The following RBPJ variants were observed in gnomAD, a reference collection of about 807,000 sequenced individuals.
The protein encoded by RBPJ is recombination signal binding protein for immunoglobulin kappa J region, also known as recombining binding protein suppressor of hairless.
A neutral mutation model predicts 67.8 loss-of-function variants in RBPJ; 9 were observed. The ratio of observed to expected loss-of-function variants is 0.13; its 90% CI spans 0.08 to 0.23. The LOEUF (loss-of-function observed/expected upper bound fraction) is 0.23. Ranked by LOEUF, RBPJ falls within the 10% of genes least tolerant of loss-of-function variation. The pLI is 1.00. For synonymous variants in RBPJ, 198 were observed against 203.3 expected (o/e 0.97, Z 0.22); for missense variants, 305 against 595.6 (o/e 0.51, Z 5.08).
intron 1 of RBPJ, among the ~76,000 whole-genome samples, chr4:26,254,843 A>AC (rs1720240200): frequency 6.0e-5 from 1 of 16,548 alleles, no homozygotes; most frequent in African/African-American, 2.3e-4. Context: ...ATGCCCAGCT[A>AC]TTTTTTTTTT....
At chr4:26,120,472 A>G in the RBPJ span, among the ~76,000 whole-genome samples, 1 of 152,128 alleles carries the variant, frequency 6.6e-6, no homozygotes, top group Non-Finnish European at 1.5e-5. Context: ...TTGAGAGACA[A>G]ATTTAGTCCT....
chr4:26,151,922 G>C, the RBPJ span, among the ~76,000 whole-genome samples: 1 of 152,198 alleles, frequency 6.6e-6, no homozygotes, highest in Non-Finnish European at 1.5e-5. Context: ...AAATATGTGG[G>C]ACAGCTGAGC....
chr4:26,124,461 T>TATATATATAC, the RBPJ span, among the ~76,000 whole-genome samples: 13 of 121,336 alleles, frequency 1.1e-4, no homozygotes, highest in African/African-American at 3.1e-4. Flanking sequence ...TATATATATA[T>TATATATATAC]ACCAGTTTCT....
At chr4:26,370,072 T>C (rs1729008587) in intron 1 of RBPJ, among the ~76,000 whole-genome samples, 1 of 152,186 alleles carries the variant, frequency 6.6e-6, no homozygotes, top group South Asian at 2.1e-4. Context: ...TCTTAGATCT[T>C]AGGAGATTGT....
At chr4:26,397,106 G>T (rs929392570) in intron 2 of RBPJ, among the ~76,000 whole-genome samples, 5 of 152,172 alleles carry the variant, frequency 3.3e-5, no homozygotes, top group Non-Finnish European at 5.9e-5. Context: ...TGAAGATTTT[G>T]CTTAAGGTTC....
intron 1 of RBPJ, among the ~76,000 whole-genome samples, chr4:26,225,756 G>A (rs1414250678): frequency 6.6e-6 from 1 of 151,420 alleles, no homozygotes; most frequent in Non-Finnish European, 1.5e-5. Flanking sequence ...TAATGCCATT[G>A]TAAAAAAAAA....
intron 1 of RBPJ, among the ~76,000 whole-genome samples, chr4:26,263,873 T>A (rs375020527): frequency 3.0e-5 from 4 of 135,350 alleles, no homozygotes; most frequent in African/African-American, 8.8e-5. Flanking sequence ...CCCAGTCTTT[T>A]TTTTTTTTGT....
At chr4:26,337,472 G>C (rs1724974907) in intron 1 of RBPJ, among the ~76,000 whole-genome samples, 1 of 151,306 alleles carries the variant, frequency 6.6e-6, no homozygotes, top group South Asian at 2.1e-4. Context: ...TGTAGCTCTG[G>C]CTATCCACAG....
chr4:26,389,295 AG>A (rs1184571299), intron 2 of RBPJ, among the ~76,000 whole-genome samples: 1 of 151,824 alleles, frequency 6.6e-6, no homozygotes. Flanking sequence ...AATTGATTAA[AG>A]TCAGTGATAA....
At chr4:26,330,660 T>G (rs1338526587) in intron 1 of RBPJ, among the ~76,000 whole-genome samples, 1 of 152,192 alleles carries the variant, frequency 6.6e-6, no homozygotes, top group Non-Finnish European at 1.5e-5. Context: ...TTTCCCCATC[T>G]CTCAATGTGC....
intron 1 of RBPJ, among the ~76,000 whole-genome samples, chr4:26,345,815 G>A (rs1391510894): frequency 6.6e-6 from 1 of 152,124 alleles, no homozygotes; most frequent in Non-Finnish European, 1.5e-5. Flanking sequence ...GTACTTTGAG[G>A]CATTGGTAGG....
intron 3 of RBPJ, among the ~76,000 whole-genome samples, chr4:26,412,196 A>C (rs1052848043): frequency 2.6e-5 from 4 of 151,912 alleles, no homozygotes; most frequent in South Asian, 2.1e-4. Context: ...GCGCATTCCC[A>C]ATCCAAAAAT....
upstream of RBPJ, among the ~76,000 whole-genome samples, chr4:26,316,215 C>A (rs577197014): frequency 3.3e-5 from 5 of 150,784 alleles, no homozygotes; most frequent in East Asian, 9.7e-4. Flanking sequence ...TCCAACCAGT[C>A]TCTCCGTTCA....
the RBPJ span, among the ~76,000 whole-genome samples, chr4:26,122,549 G>A: frequency 6.6e-6 from 1 of 152,224 alleles, no homozygotes; most frequent in Non-Finnish European, 1.5e-5. Flanking sequence ...ATGAGAACTG[G>A]TTAGGAGGAA....
chr4:26,148,895 C>A, the RBPJ span, among the ~76,000 whole-genome samples: 1 of 152,130 alleles, frequency 6.6e-6, no homozygotes. Flanking sequence ...CCATCAGGAC[C>A]ACTGTGGGAA....
chr4:26,250,280 A>C (rs964577116), intron 1 of RBPJ, among the ~76,000 whole-genome samples: 1 of 150,994 alleles, frequency 6.6e-6, no homozygotes, highest in Non-Finnish European at 1.5e-5. Context: ...CACTTAGCCT[A>C]ATGTTTTCAA....
intron 3 of RBPJ, among the ~76,000 whole-genome samples, chr4:26,411,589 T>A (rs202146128): frequency 5.8e-5 from 8 of 138,806 alleles, no homozygotes; most frequent in East Asian, 2.1e-4. Flanking sequence ...TTTTTTTTTT[T>A]AAAGACTCAG....
intron 1 of RBPJ, among the ~76,000 whole-genome samples, chr4:26,334,880 A>T (rs935549478): frequency 6.6e-6 from 1 of 152,032 alleles, no homozygotes; most frequent in Non-Finnish European, 1.5e-5. Context: ...TTCCAATCTT[A>T]AGTATTGTGA....
At chr4:26,181,303 A>T (rs1716982856) in intron 1 of RBPJ, among the ~76,000 whole-genome samples, 1 of 152,228 alleles carries the variant, frequency 6.6e-6, no homozygotes, top group Non-Finnish European at 1.5e-5. Context: ...AGTCTAAACA[A>T]AGGAAATTTA....
Sources: gnomAD v4.1 joint callset for allele counts (sites outside exome capture counted in the v4.1 genomes callset) on GRCh38, gnomAD v4.1.1 for gene constraint, MANE v1.5 for transcripts, NCBI Gene and HGNC (gene_info 2026-07-23, HGNC 2026-07-21) for gene names.